NLGN1: variants seen among roughly 807,000 people sequenced by gnomAD.
NLGN1 encodes the protein neuroligin-1.
A neutral mutation model predicts 65.5 loss-of-function variants in NLGN1; 12 were observed. That is an observed-to-expected ratio of 0.18 (90% confidence interval 0.12 to 0.30). The LOEUF (loss-of-function observed/expected upper bound fraction) is 0.30, where lower values mean the gene tolerates loss of function less well. Ranked by LOEUF, NLGN1 falls within the 10% of genes least tolerant of loss-of-function variation. The pLI is 1.00. For missense variants in NLGN1, 750 were observed against 1,007.1 expected (o/e 0.74, Z 3.46); for synonymous variants, 350 against 359.5 (o/e 0.97, Z 0.30).
chr3:173,918,502 G>A (rs1308282858), intron 4 of NLGN1, among the ~76,000 whole-genome samples: 3 of 151,726 alleles, frequency 2.0e-5, no homozygotes, highest in African/African-American at 4.8e-5. Context: ...ATGCGGCAGC[G>A]TGTGCCTGTA....
At chr3:173,599,384 C>T (rs1398104244) in intron 2 of NLGN1, among the ~76,000 whole-genome samples, 1 of 152,094 alleles carries the variant, frequency 6.6e-6, no homozygotes, top group Non-Finnish European at 1.5e-5. Context: ...TTCTCCCACT[C>T]CTGGGTCATG....
intron 4 of NLGN1, among the ~76,000 whole-genome samples, chr3:174,247,673 C>T (rs894117801): frequency 6.6e-6 from 1 of 152,138 alleles, no homozygotes; most frequent in African/African-American, 2.4e-5. Flanking sequence ...ACTCATCAAG[C>T]AACCCAGCCT....
intron 3 of NLGN1, among the ~76,000 whole-genome samples, chr3:173,628,550 C>T (rs1755158410): frequency 6.6e-6 from 1 of 151,574 alleles, no homozygotes; most frequent in Non-Finnish European, 1.5e-5. Context: ...TTGTTAGTTA[C>T]TGTCTAATAA....
intron 4 of NLGN1, among the ~76,000 whole-genome samples, chr3:173,950,365 G>A (rs1579367564): frequency 1.3e-5 from 2 of 152,284 alleles, no homozygotes; most frequent in South Asian, 2.1e-4. Flanking sequence ...ATGCTTATGT[G>A]TATGCTGGAA....
chr3:173,541,986 A>G (rs1233160414), intron 2 of NLGN1, among the ~76,000 whole-genome samples: 1 of 152,036 alleles, frequency 6.6e-6, no homozygotes, highest in Non-Finnish European at 1.5e-5. Context: ...TCTAATATTT[A>G]TTTGATAATT....
intron 4 of NLGN1, among the ~76,000 whole-genome samples, chr3:174,075,983 C>T (rs926306363): frequency 1.3e-5 from 2 of 152,032 alleles, no homozygotes; most frequent in African/African-American, 4.8e-5. Flanking sequence ...TTAAACTAGG[C>T]GACATCACTT....
At chr3:173,641,260 A>G (rs993141140) in intron 3 of NLGN1, among the ~76,000 whole-genome samples, 8 of 152,116 alleles carry the variant, frequency 5.3e-5, no homozygotes, top group Admixed American at 3.9e-4. Context: ...GGCCCCTTCA[A>G]GTTCCTTCAC....
At chr3:173,411,209 T>C (rs1336001267) in intron 1 of NLGN1, among the ~76,000 whole-genome samples, 1 of 152,216 alleles carries the variant, frequency 6.6e-6, no homozygotes, top group Non-Finnish European at 1.5e-5. Context: ...AACTAATCAT[T>C]GGGACTGTAC....
chr3:173,934,360 T>G (rs1232775708), intron 4 of NLGN1, among the ~76,000 whole-genome samples: 4 of 150,902 alleles, frequency 2.7e-5, no homozygotes, highest in Admixed American at 6.6e-5. Flanking sequence ...ATATCTAACT[T>G]GTTTATTTCA....
At chr3:174,227,507 T>C (rs560048165) in intron 4 of NLGN1, among the ~76,000 whole-genome samples, 1 of 152,136 alleles carries the variant, frequency 6.6e-6, no homozygotes, top group Admixed American at 6.5e-5. Flanking sequence ...CAAATAGCCA[T>C]GTCACTTAGT....
intron 1 of NLGN1, among the ~76,000 whole-genome samples, chr3:173,415,918 G>T (rs1466095036): frequency 2.2e-5 from 3 of 134,750 alleles, no homozygotes; most frequent in African/African-American, 9.8e-5. Flanking sequence ...GAGAGAGAGA[G>T]GGAGAGAGAG....
intron 2 of NLGN1, among the ~76,000 whole-genome samples, chr3:173,504,197 C>T (rs1731625707): frequency 6.6e-6 from 1 of 152,046 alleles, no homozygotes; most frequent in Non-Finnish European, 1.5e-5. Flanking sequence ...AGGCACACCC[C>T]TTCAGAATGT....
chr3:174,200,190 T>G (rs1230236241), intron 4 of NLGN1, among the ~76,000 whole-genome samples: 2 of 152,192 alleles, frequency 1.3e-5, no homozygotes, highest in African/African-American at 4.8e-5. Flanking sequence ...ATCTGTAAAA[T>G]GCAGGTAGTG....
intron 4 of NLGN1, among the ~76,000 whole-genome samples, chr3:174,101,261 G>A (rs9877243): frequency 0.2 from 29,896 of 151,898 alleles, 4,221 homozygotes; most frequent in African/African-American, 0.4. Context: ...TACTTCGGAC[G>A]AGGATTCATG....
At chr3:173,870,445 G>A (rs1229014656) in intron 4 of NLGN1, among the ~76,000 whole-genome samples, 1 of 152,012 alleles carries the variant, frequency 6.6e-6, no homozygotes, top group Admixed American at 6.5e-5. Context: ...AAGCAAACAG[G>A]GCCTGGAAGC....
At chr3:174,082,362 A>T (rs1429201512) in intron 4 of NLGN1, among the ~76,000 whole-genome samples, 1 of 152,172 alleles carries the variant, frequency 6.6e-6, no homozygotes, top group Non-Finnish European at 1.5e-5. Flanking sequence ...CAATTAAAAA[A>T]ACAAATAATA....
At chr3:173,563,665 G>A (rs73880506) in intron 2 of NLGN1, among the ~76,000 whole-genome samples, 3,317 of 152,104 alleles carry the variant, frequency 0.022, 123 homozygotes, top group African/African-American at 0.076. Context: ...AGACCTTAGA[G>A]TCATTCTTGG....
chr3:173,679,687 A>G (rs547492009), intron 3 of NLGN1, among the ~76,000 whole-genome samples: 1 of 152,264 alleles, frequency 6.6e-6, no homozygotes, highest in East Asian at 1.9e-4. Context: ...TGGTCTCAGG[A>G]AGGAAAGACT....
intron 4 of NLGN1, among the ~76,000 whole-genome samples, chr3:173,894,652 A>G (rs1235414544): frequency 7.9e-6 from 1 of 126,714 alleles, no homozygotes; most frequent in Non-Finnish European, 1.6e-5. Context: ...TTTTTTTGAG[A>G]TAGAGATTTG....
Sources: allele counts gnomAD v4.1 joint callset (sites outside exome capture counted in the v4.1 genomes callset), GRCh38; gene constraint gnomAD v4.1.1; transcripts MANE v1.5; gene names NCBI Gene and HGNC (gene_info 2026-07-23, HGNC 2026-07-21).